DLGAP1: variants seen among roughly 807,000 people sequenced by gnomAD.
DLGAP1 encodes the protein disks large-associated protein 1.
Under a neutral mutation model 90.8 loss-of-function variants are expected in DLGAP1, and 11 were observed. The observed-to-expected ratio is 0.12, with a 90% CI of 0.08 to 0.20. DLGAP1 has a LOEUF of 0.20. Among genes scored for constraint, DLGAP1 ranks in the 10% least tolerant of loss-of-function variants. The pLI, the probability that DLGAP1 is intolerant of heterozygous loss-of-function variation, is 1.00. For missense variants in DLGAP1, 1,050 were observed against 1,333.8 expected, an observed-to-expected ratio of 0.79 and a Z score of 3.31; for synonymous variants, 558 against 540.7, an observed-to-expected ratio of 1.03 and a Z score of -0.44.
chr18:4,205,974 T>C (rs1054960388), intron 1 of DLGAP1, among the ~76,000 whole-genome samples: 2 of 152,254 alleles, frequency 1.3e-5, no homozygotes, highest in Non-Finnish European at 1.5e-5. Context: ...CCTGAAACTT[T>C]AACTATGGGG....
intron 2 of DLGAP1, among the ~76,000 whole-genome samples, chr18:4,128,287 ATAAG>A (rs2076260952): frequency 6.6e-6 from 1 of 152,198 alleles, no homozygotes; most frequent in Non-Finnish European, 1.5e-5. Flanking sequence ...ACTATGTACT[ATAAG>A]TAATCTAGAG....
chr18:3,996,823 T>C (rs2149064651), intron 3 of DLGAP1, among the ~76,000 whole-genome samples: 1 of 152,188 alleles, frequency 6.6e-6, no homozygotes, highest in East Asian at 1.9e-4. Context: ...GATAAATTAC[T>C]TTAGCCAATG....
At chr18:3,598,763 CGGTCCCCTCCATTACTCCTTA>C (rs2056740002) in intron 7 of DLGAP1, among the ~76,000 whole-genome samples, 1 of 151,374 alleles carries the variant, frequency 6.6e-6, no homozygotes, top group African/African-American at 2.4e-5. Context: ...CCACCGCGCC[CGGTCCCCTCCATTACTCCTTA>C]AGTGTCCCTT....
At chr18:4,019,673 C>T (rs527521736) in intron 2 of DLGAP1, among the ~76,000 whole-genome samples, 2 of 152,090 alleles carry the variant, frequency 1.3e-5, no homozygotes, top group African/African-American at 4.8e-5. Flanking sequence ...ATATTTTATT[C>T]TAATTATTAG....
intron 9 of DLGAP1, among the ~76,000 whole-genome samples, chr18:3,554,828 A>G (rs1217317961): frequency 1.3e-5 from 2 of 152,230 alleles, no homozygotes; most frequent in Admixed American, 6.5e-5. Context: ...TTCCTAAATT[A>G]TAATTGATTC....
intron 2 of DLGAP1, among the ~76,000 whole-genome samples, chr18:4,060,714 A>C (rs1439175608): frequency 6.6e-6 from 1 of 152,236 alleles, no homozygotes; most frequent in African/African-American, 2.4e-5. Flanking sequence ...CAAGGTAAAT[A>C]AGTATTTCTC....
At chr18:3,757,258 A>T (rs1215044380) in intron 5 of DLGAP1, among the ~76,000 whole-genome samples, 1 of 152,152 alleles carries the variant, frequency 6.6e-6, no homozygotes, top group African/African-American at 2.4e-5. Flanking sequence ...AAATACAAAA[A>T]TTAGCCTGGT....
chr18:4,008,965 G>A (rs1433555321), intron 2 of DLGAP1, among the ~76,000 whole-genome samples: 3 of 151,992 alleles, frequency 2.0e-5, no homozygotes, highest in Non-Finnish European at 4.4e-5. Context: ...GTGCGGTGGC[G>A]CGATCTCGGC....
intron 6 of DLGAP1, among the ~76,000 whole-genome samples, chr18:3,732,553 C>T (rs936057369): frequency 1.3e-5 from 2 of 151,998 alleles, no homozygotes; most frequent in African/African-American, 2.4e-5. Flanking sequence ...CATATGTAAT[C>T]GATTTTTAAA....
At chr18:4,189,468 A>G (rs1168457588) in intron 1 of DLGAP1, among the ~76,000 whole-genome samples, 1 of 152,140 alleles carries the variant, frequency 6.6e-6, no homozygotes, top group Non-Finnish European at 1.5e-5. Flanking sequence ...CTCTGATGAG[A>G]AAAATCAAAG....
At chr18:3,816,175 G>C (rs8087656) in intron 4 of DLGAP1, among the ~76,000 whole-genome samples, 116,386 of 152,100 alleles carry the variant, frequency 0.77, 44,793 homozygotes, top group African/African-American at 0.84. Flanking sequence ...GAAGCAGGAG[G>C]TCAGAGAAGG....
intron 4 of DLGAP1, among the ~76,000 whole-genome samples, chr18:3,844,612 A>AT (rs1268529539): frequency 2.0e-5 from 3 of 152,312 alleles, no homozygotes; most frequent in East Asian, 1.9e-4. Flanking sequence ...AACCAAAATC[A>AT]TTGCCGCCAT....
intron 1 of DLGAP1, among the ~76,000 whole-genome samples, chr18:4,235,513 G>GT (rs141482006): frequency 0.016 from 2,505 of 152,078 alleles, 31 homozygotes; most frequent in Non-Finnish European, 0.024. Flanking sequence ...TGAACCTGCT[G>GT]TTTTTTTAAT....
intron 5 of DLGAP1, among the ~76,000 whole-genome samples, chr18:3,791,336 GA>G (rs1687435457): frequency 6.6e-6 from 1 of 151,240 alleles, no homozygotes; most frequent in Admixed American, 6.6e-5. Context: ...GGAAGGCTGT[GA>G]AAACCAGCAT....
intron 3 of DLGAP1, among the ~76,000 whole-genome samples, chr18:3,938,525 T>C (rs1599187385): frequency 6.6e-6 from 1 of 152,170 alleles, no homozygotes; most frequent in East Asian, 1.9e-4. Flanking sequence ...TTGTACTTGA[T>C]GGGTTTTTAG....
intron 4 of DLGAP1, among the ~76,000 whole-genome samples, chr18:3,842,583 GT>G (rs113749275): frequency 0.012 from 1,772 of 142,764 alleles, 59 homozygotes; most frequent in East Asian, 0.069. Context: ...AAGATTTGGT[GT>G]TTTTTTTTTT....
chr18:4,015,837 T>G (rs1277926680), intron 2 of DLGAP1, among the ~76,000 whole-genome samples: 1 of 152,214 alleles, frequency 6.6e-6, no homozygotes, highest in Non-Finnish European at 1.5e-5. Flanking sequence ...ATACTAATTT[T>G]TATTTATATC....
At chr18:4,155,356 G>A (rs934233248) in intron 1 of DLGAP1, among the ~76,000 whole-genome samples, 1 of 152,078 alleles carries the variant, frequency 6.6e-6, no homozygotes, top group African/African-American at 2.4e-5. Context: ...GGCACTCTAC[G>A]GTTCACACCA....
intron 7 of DLGAP1, among the ~76,000 whole-genome samples, chr18:3,609,722 T>C (rs2057505342): frequency 6.6e-6 from 1 of 151,862 alleles, no homozygotes; most frequent in South Asian, 2.1e-4. Context: ...TCTTTTTTCT[T>C]TCCTTCCTAG....
Sources: allele counts gnomAD v4.1 joint callset (sites outside exome capture counted in the v4.1 genomes callset), GRCh38; gene constraint gnomAD v4.1.1; transcripts MANE v1.5; gene names NCBI Gene and HGNC (gene_info 2026-07-23, HGNC 2026-07-21).